ITFG1: variants seen among roughly 807,000 people sequenced by gnomAD.
ITFG1 encodes integrin alpha FG-GAP repeat containing 1, also known as T-cell immunomodulatory protein.
Under a neutral mutation model 81.8 loss-of-function variants are expected in ITFG1, and 34 were observed. That is an observed-to-expected ratio of 0.42 (90% CI 0.32 to 0.55). ITFG1 has a LOEUF of 0.55. Ranked by LOEUF, ITFG1 falls within the 20% of genes least tolerant of loss-of-function variation. ITFG1 has a pLI of 0.17. For missense variants in ITFG1, 672 were observed against 755.4 expected (o/e 0.89, Z 1.29); for synonymous variants, 285 against 270.6 (o/e 1.05, Z -0.52).
chr16:47,181,340 C>T (rs1331154874), intron 14 of ITFG1, among the ~76,000 whole-genome samples: 20 of 150,356 alleles, frequency 1.3e-4, no homozygotes, highest in East Asian at 8.1e-4. Context: ...CCGCCCCGTC[C>T]GGGAGGGAGG....
rs115189672 is a variant in ITFG1, at chr16:47,444,196, C to G, written c.560+7200G>C. ...ACATTGTTAAAAGCAGTCAAGAGTA[C>G]AATAATGTAAATCAGATAAAACTGA... On this transcript the variant is annotated intron_variant, in intron 5 of 17. Coordinates refer to ENST00000320640, the MANE Select transcript of ITFG1 (RefSeq NM_030790.5). 1.5e-3 allele frequency among the ~76,000 whole-genome samples: 234 copies of G among 151,922 alleles called. 2 individuals carry two copies. Among genetic ancestry groups the G allele is most frequent in the African/African-American group, 5.4e-3 (223 of 41,414 alleles).
At chr16:47,264,055 C>T (rs973055873) in intron 10 of ITFG1, among the ~76,000 whole-genome samples, 6 of 152,040 alleles carry the variant, frequency 3.9e-5, no homozygotes, top group Non-Finnish European at 8.8e-5. Flanking sequence ...GTGTTCTTGG[C>T]AATTATAACT....
At chr16:47,171,432 T>C (rs1964960726) in intron 14 of ITFG1, among the ~76,000 whole-genome samples, 1 of 152,240 alleles carries the variant, frequency 6.6e-6, no homozygotes, top group South Asian at 2.1e-4. Context: ...TTCCCTTTTT[T>C]TTTAAACACT....
intron 10 of ITFG1, among the ~76,000 whole-genome samples, chr16:47,280,005 G>T (rs1966435628): frequency 6.6e-6 from 1 of 151,594 alleles, no homozygotes; most frequent in Non-Finnish European, 1.5e-5. Context: ...GTTACATGAG[G>T]TTTTTTTTCC....
intron 12 of ITFG1, among the ~76,000 whole-genome samples, chr16:47,257,748 T>A (rs1400439244): frequency 2.6e-5 from 4 of 152,220 alleles, no homozygotes; most frequent in Admixed American, 6.5e-5. Flanking sequence ...CCTAGCTGTG[T>A]CCATTGAGAG....
At chr16:47,320,648 G>A (rs1967434964) in intron 8 of ITFG1, among the ~76,000 whole-genome samples, 1 of 152,176 alleles carries the variant, frequency 6.6e-6, no homozygotes, top group African/African-American at 2.4e-5. Context: ...TGTGATCACT[G>A]TAAGGATTAA....
At chr16:47,284,371 A>T (rs1352709330) in intron 10 of ITFG1, among the ~76,000 whole-genome samples, 1 of 152,186 alleles carries the variant, frequency 6.6e-6, no homozygotes, top group Non-Finnish European at 1.5e-5. Context: ...TCAAGAATAT[A>T]TGCAACTTAT....
chr16:47,457,313 G>GAA (rs996556509), intron 2 of ITFG1, among the ~76,000 whole-genome samples: 1 of 113,076 alleles, frequency 8.8e-6, no homozygotes, highest in Non-Finnish European at 1.9e-5. Context: ...TCTGTCTCAA[G>GAA]AAAAAAAAAA....
chr16:47,308,863 T>A (rs1305824479), intron 10 of ITFG1, among the ~76,000 whole-genome samples: 3 of 152,148 alleles, frequency 2.0e-5, no homozygotes, highest in Non-Finnish European at 4.4e-5. Flanking sequence ...TCCAGTTTCA[T>A]TCGTGACTTG....
chr16:47,407,992 A>G (rs760212339), intron 6 of ITFG1, among the ~76,000 whole-genome samples: 2 of 152,196 alleles, frequency 1.3e-5, no homozygotes, highest in Non-Finnish European at 2.9e-5. Flanking sequence ...ACTACAAACA[A>G]CTGACACTCA....
intron 6 of ITFG1, among the ~76,000 whole-genome samples, chr16:47,416,665 CCT>C (rs548864438): frequency 3.3e-5 from 5 of 152,064 alleles, no homozygotes; most frequent in Non-Finnish European, 5.9e-5. Context: ...GGCATTCCCC[CCT>C]CTCTCTCTGT....
chr16:47,229,904 T>C (rs12444350), intron 13 of ITFG1, among the ~76,000 whole-genome samples: 3 of 152,346 alleles, frequency 2.0e-5, no homozygotes, highest in Admixed American at 2.0e-4. Flanking sequence ...CATTGTACAA[T>C]ACCATAATGT....
chr16:47,297,471 C>T (rs186345240), intron 10 of ITFG1, among the ~76,000 whole-genome samples: 2 of 152,138 alleles, frequency 1.3e-5, no homozygotes, highest in Admixed American at 1.3e-4. Flanking sequence ...TAAGTACTAA[C>T]CCTTTGTTTC....
intron 10 of ITFG1, among the ~76,000 whole-genome samples, chr16:47,278,396 G>C (rs554444127): frequency 6.6e-6 from 1 of 152,324 alleles, no homozygotes; most frequent in East Asian, 1.9e-4. Flanking sequence ...TTTCTTTCCA[G>C]GCACTGGGAC....
rs145884782 is a variant in ITFG1 at position 47,321,954 on chromosome 16, T to C, written c.803-8131A>G. Among the ~76,000 whole-genome samples, 1,085 of 152,278 alleles carry C rather than the reference T, an allele frequency of 7.1e-3. 17 individuals are homozygous for C. The highest frequency in any genetic ancestry group is 0.025 in the African/African-American group (1,039 of 41,558). ...AGATAGTATCATCTACATTACTATG[T>C]GGAAGGGATAAACAATTTCTTCAAA... On this transcript the variant is annotated intron_variant, in intron 8 of 17. Transcript: ENST00000320640.
intron 14 of ITFG1, among the ~76,000 whole-genome samples, chr16:47,210,239 C>T (rs993221538): frequency 2.0e-5 from 3 of 152,176 alleles, no homozygotes; most frequent in African/African-American, 7.2e-5. Context: ...TTAGCCATTC[C>T]GATAGGTGTG....
chr16:47,285,338 G>T (rs1966865831), intron 10 of ITFG1, among the ~76,000 whole-genome samples: 1 of 152,200 alleles, frequency 6.6e-6, no homozygotes, highest in South Asian at 2.1e-4. Flanking sequence ...GGGCTTAGAA[G>T]CTCTGAGCCC....
chr16:47,302,693 T>C (rs532160573), intron 10 of ITFG1, among the ~76,000 whole-genome samples: 360 of 152,342 alleles, frequency 2.4e-3, no homozygotes, highest in Middle Eastern at 0.01. Flanking sequence ...TCCTCTCTCA[T>C]TTACACTCTT....
chr16:47,416,338 TA>T (rs1406748589), intron 6 of ITFG1, among the ~76,000 whole-genome samples: 4 of 152,124 alleles, frequency 2.6e-5, no homozygotes, highest in South Asian at 4.1e-4. Context: ...TTTGACTATT[TA>T]AAAAAATTAA....
Sources: allele counts gnomAD v4.1 joint callset (sites outside exome capture counted in the v4.1 genomes callset), GRCh38; gene constraint gnomAD v4.1.1; transcripts MANE v1.5; gene names NCBI Gene and HGNC (gene_info 2026-07-23, HGNC 2026-07-21).